PTPRN2: variants seen among roughly 807,000 people sequenced by gnomAD.
PTPRN2 encodes receptor-type tyrosine-protein phosphatase N2.
In PTPRN2, 74 loss-of-function variants were observed where a neutral mutation model predicts 118.8. The observed-to-expected ratio is 0.62, with a 90% CI of 0.52 to 0.76. PTPRN2 has a LOEUF of 0.76. PTPRN2 is among the 30% of genes least tolerant of loss of function. The pLI is 0.00. For synonymous variants in PTPRN2, 641 were observed against 608.0 expected (o/e 1.05, Z -0.80); for missense variants, 1,481 against 1,394.4 (o/e 1.06, Z -0.99).
chr7:157,674,543 T>C lies in PTPRN2; in HGVS notation c.2001+8182A>G, dbSNP rs955131779. The stretch of plus-strand genomic sequence containing the variant: ...CCGCGCAGCGTCTTGCCTCCTTTTA[T>C]GCCGGTGTACGTGTTGTGTTAAGAG... On this transcript the variant is annotated intron_variant, in intron 13 of 22. Transcript: ENST00000389418. This position sits in a 1 kb window ranked among gnomAD's most constrained non-coding sequence, Gnocchi z 4.5. Among the ~76,000 whole-genome samples, 1 of 152,244 alleles carries C rather than the reference T, an allele frequency of 6.6e-6. No individual in the cohort carries two copies. The highest frequency in any genetic ancestry group is 6.5e-5 in the Admixed American group (1 of 15,284).
chr7:158,140,736 G>A, intron 6 of PTPRN2, among the ~76,000 whole-genome samples: 1 of 152,222 alleles, frequency 6.6e-6, no homozygotes. Flanking sequence ...GTGGCCGCTG[G>A]TTCCAGGCCC....
chr7:158,341,629 AGGTAACACAT>A (rs1806825850), intron 2 of PTPRN2, among the ~76,000 whole-genome samples: 1 of 30,756 alleles, frequency 3.3e-5, no homozygotes, highest in Non-Finnish European at 6.4e-5. Flanking sequence ...TCACCATAAG[AGGTAACACAT>A]GCAGACGTCA....
At chr7:158,354,772 T>C (rs1193814954) in intron 2 of PTPRN2, among the ~76,000 whole-genome samples, 1 of 152,114 alleles carries the variant, frequency 6.6e-6, no homozygotes, top group Non-Finnish European at 1.5e-5. Context: ...AAAGAAACAG[T>C]AACAGAAAAC....
rs1163080597 is a variant in PTPRN2, at chr7:157,874,264, T to C, written c.1788+24409A>G. Among the ~76,000 whole-genome samples the C allele has an allele frequency of 6.6e-6, 1 of 152,158 alleles. No individual in the cohort carries two copies. The highest frequency in any genetic ancestry group is 6.5e-5 in the Admixed American group (1 of 15,278). Reference sequence around the variant, plus strand: ...CACCCCAACACTCCATGGCTCCCCATGGCCTGCAAATCAGATCACAGCCCC... The same window carrying C: ...CACCCCAACACTCCATGGCTCCCCACGGCCTGCAAATCAGATCACAGCCCC... On this transcript the variant is annotated intron_variant, in intron 12 of 22. Transcript: ENST00000389418. This position sits in a 1 kb window ranked among gnomAD's most constrained non-coding sequence, Gnocchi z 5.8.
intron 2 of PTPRN2, among the ~76,000 whole-genome samples, chr7:158,393,673 G>C (rs1156935015): frequency 6.6e-6 from 1 of 152,124 alleles, no homozygotes; most frequent in East Asian, 1.9e-4. Flanking sequence ...GCTTAGTGGG[G>C]GATGCTTCCC....
At chr7:157,750,711 C>T (rs921945301) in intron 12 of PTPRN2, among the ~76,000 whole-genome samples, 14 of 152,264 alleles carry the variant, frequency 9.2e-5, no homozygotes, top group African/African-American at 2.9e-4. Flanking sequence ...CCCTCCGGCT[C>T]CAGTGTCGAG....
At chr7:157,816,018 C>G (rs1806372930) in intron 12 of PTPRN2, among the ~76,000 whole-genome samples, 1 of 152,240 alleles carries the variant, frequency 6.6e-6, no homozygotes, top group African/African-American at 2.4e-5. Context: ...TGTGCTCTCA[C>G]TCATGCACGT....
intron 2 of PTPRN2, among the ~76,000 whole-genome samples, chr7:158,370,681 G>A (rs1252670452): frequency 2.6e-5 from 4 of 151,906 alleles, no homozygotes; most frequent in African/African-American, 7.3e-5. Flanking sequence ...AAACCCAGGA[G>A]GCGGAGCTTG....
rs1329197439 is a variant in PTPRN2 at position 157,627,444 on chromosome 7, C to T, written c.2197-5935G>A. On this transcript the variant is annotated intron_variant, in intron 14 of 22. Coordinates refer to ENST00000389418, the MANE Select transcript of PTPRN2 (RefSeq NM_002847.5). The surrounding 1 kb of genome is among the most constrained non-coding windows in gnomAD (Gnocchi z 4.2). The stretch of plus-strand genomic sequence containing the variant: ...GGAGCGAAGAATTGGTGGTGAATCT[C>T]AGTCGATGCAGGCTGAAGTGCTTAG... 6.6e-6 allele frequency among the ~76,000 whole-genome samples: 1 copy of T among 152,182 alleles called. No homozygotes were observed. The highest frequency in any genetic ancestry group is 1.5e-5 in the Non-Finnish European group (1 of 68,034).
At chr7:157,863,362 C>T (rs1049626457) in intron 12 of PTPRN2, 3 of 152,194 alleles carry the variant, frequency 2.0e-5, no homozygotes, top group African/African-American at 4.8e-5. Context: ...AGAGTGGAGA[C>T]GAGGTCTTCC....
intron 12 of PTPRN2, among the ~76,000 whole-genome samples, chr7:157,715,102 GT>G (rs1021533468): frequency 6.6e-6 from 1 of 152,242 alleles, no homozygotes; most frequent in Non-Finnish European, 1.5e-5. Flanking sequence ...CTTGAATCTG[GT>G]GGCTTCTGTG....
chr7:158,058,309 C>A lies in PTPRN2; in HGVS notation c.1723+22989G>T, dbSNP rs535694318. 8.0e-4 allele frequency among the ~76,000 whole-genome samples: 117 copies of A among 146,284 alleles called. 1 individual carries two copies. The highest frequency in any genetic ancestry group is 2.9e-3 in the African/African-American group (113 of 38,430). On this transcript the variant is annotated intron_variant, in intron 11 of 22. Coordinates refer to ENST00000389418, the MANE Select transcript of PTPRN2 (RefSeq NM_002847.5). ...ACGGTGAGACATCACTGCAGCCACA[C>A]TCCATCTGCCCACGGTGAGACATCA...
At chr7:158,581,340 TG>T (rs1385961640) in intron 1 of PTPRN2, among the ~76,000 whole-genome samples, 1 of 152,080 alleles carries the variant, frequency 6.6e-6, no homozygotes, top group Non-Finnish European at 1.5e-5. Context: ...TCAGTGAACA[TG>T]GAAGGCTCAG....
At chr7:158,214,177 C>A (rs539070364) in intron 3 of PTPRN2, among the ~76,000 whole-genome samples, 6 of 152,156 alleles carry the variant, frequency 3.9e-5, no homozygotes, top group African/African-American at 1.4e-4. Context: ...GAAAATATAA[C>A]CCTGGGAAGA....
chr7:158,124,246 G>A (rs1166661087), intron 9 of PTPRN2, among the ~76,000 whole-genome samples: 1 of 152,202 alleles, frequency 6.6e-6, no homozygotes, highest in Non-Finnish European at 1.5e-5. Context: ...CCCCACTCCC[G>A]CTATGCTGCC....
At chr7:157,588,009 G>A (rs1036085629) in intron 17 of PTPRN2, among the ~76,000 whole-genome samples, 59 of 149,090 alleles carry the variant, frequency 4.0e-4, no homozygotes, top group East Asian at 2.0e-3. Context: ...CTGGGCTCCC[G>A]CGGTGGCTGT....
intron 12 of PTPRN2, among the ~76,000 whole-genome samples, chr7:157,795,421 C>T (rs1285113219): frequency 6.6e-6 from 1 of 152,250 alleles, no homozygotes; most frequent in Non-Finnish European, 1.5e-5. Flanking sequence ...TCACCCTCCC[C>T]AGGGGGCTGA....
At chr7:158,307,317 C>T (rs1801377352) in intron 3 of PTPRN2, among the ~76,000 whole-genome samples, 1 of 151,968 alleles carries the variant, frequency 6.6e-6, no homozygotes, top group African/African-American at 2.4e-5. Flanking sequence ...TTCAGTACAG[C>T]AGCTCAACAG....
rs1420732352 is a variant in PTPRN2 at position 157,787,837 on chromosome 7, C to T, written c.1789-104900G>A. Among the ~76,000 whole-genome samples the T allele has an allele frequency of 6.6e-6, 1 of 152,144 alleles. No individual in the cohort carries two copies. The highest frequency in any genetic ancestry group is 1.5e-5 in the Non-Finnish European group (1 of 68,010). ...CCAAGCTGCCAAGGGCTGGGGTGGG[C>T]TGTTCCCCTCTTGGCATCTCCCTCA... is the stretch of plus-strand genomic sequence containing the variant. On this transcript the variant is annotated intron_variant, in intron 12 of 22. Coordinates refer to ENST00000389418, the MANE Select transcript of PTPRN2 (RefSeq NM_002847.5). The surrounding 1 kb of genome is among the most constrained non-coding windows in gnomAD (Gnocchi z 5.3).
Sources: gnomAD v4.1 joint callset for allele counts (sites outside exome capture counted in the v4.1 genomes callset) on GRCh38, gnomAD v4.1.1 for gene constraint, Gnocchi (gnomAD v3.1) non-coding constraint, MANE v1.5 for transcripts, NCBI Gene and HGNC (gene_info 2026-07-23, HGNC 2026-07-21) for gene names.